The following ARHGEF3 variants were observed in gnomAD, a reference collection of about 807,000 sequenced individuals.
ARHGEF3 encodes the protein Rho guanine nucleotide exchange factor 3, also known as 59.8 kDA protein.
In ARHGEF3, 28 loss-of-function variants were observed where a neutral mutation model predicts 63.2. The ratio of observed to expected loss-of-function variants is 0.44; its 90% CI spans 0.33 to 0.61. The LOEUF (loss-of-function observed/expected upper bound fraction) is 0.61, where lower values mean the gene tolerates loss of function less well. Ranked by LOEUF, ARHGEF3 falls within the 20% of genes least tolerant of loss-of-function variation. The probability of loss-of-function intolerance (pLI) is 0.03; values close to 1 mark genes in which losing one functional copy is unlikely to be tolerated. For missense variants in ARHGEF3, 533 were observed against 659.3 expected, an observed-to-expected ratio of 0.81 and a Z score of 2.10; for synonymous variants, 266 against 254.2, an observed-to-expected ratio of 1.05 and a Z score of -0.44.
intron 1 of ARHGEF3, among the ~76,000 whole-genome samples, chr3:56,789,101 C>G (rs1461136502): frequency 6.6e-6 from 1 of 151,892 alleles, no homozygotes; most frequent in Non-Finnish European, 1.5e-5. Flanking sequence ...TTGGTGGAAG[C>G]CCTTTATATG....
At chr3:56,747,680 C>T (rs959138942) in intron 6 of ARHGEF3, among the ~76,000 whole-genome samples, 3 of 152,114 alleles carry the variant, frequency 2.0e-5, no homozygotes, top group Admixed American at 6.6e-5. Context: ...AAAAATTAGC[C>T]GGGCATAGTG....
At chr3:56,859,034 G>A (rs79993184) in intron 4 of ARHGEF3, among the ~76,000 whole-genome samples, 1,763 of 152,356 alleles carry the variant, frequency 0.012, 42 homozygotes, top group African/African-American at 0.04. Context: ...GGATGGGACT[G>A]TGGGGGCAGG....
At chr3:56,856,199 T>C (rs890463385) in intron 4 of ARHGEF3, among the ~76,000 whole-genome samples, 1 of 151,924 alleles carries the variant, frequency 6.6e-6, no homozygotes, top group African/African-American at 2.4e-5. Context: ...CCACATAAAA[T>C]ACACGTAACT....
chr3:56,802,072 C>T (rs2037687970), upstream of ARHGEF3: 3 of 1,214,126 alleles, frequency 2.5e-6, no homozygotes, highest in African/African-American at 1.6e-5. Context: ...AGCGCGGACA[C>T]CTCCTGGGGC....
chr3:56,873,703 C>T (rs777029086), intron 4 of ARHGEF3, among the ~76,000 whole-genome samples: 1 of 152,142 alleles, frequency 6.6e-6, no homozygotes, highest in Non-Finnish European at 1.5e-5. Flanking sequence ...AGCCACCTCA[C>T]CTGGCATGAA....
chr3:56,807,132 C>T (rs1250982688), intron 4 of ARHGEF3, among the ~76,000 whole-genome samples: 3 of 152,122 alleles, frequency 2.0e-5, no homozygotes, highest in East Asian at 1.9e-4. Context: ...TGATCTGCCC[C>T]GCCTTGGCCT....
At chr3:56,793,406 T>C (rs919093802) in intron 1 of ARHGEF3, among the ~76,000 whole-genome samples, 1 of 152,148 alleles carries the variant, frequency 6.6e-6, no homozygotes, top group Non-Finnish European at 1.5e-5. Context: ...CCTGACCTCA[T>C]GATCCGCTCG....
At chr3:56,797,024 G>T (rs907942765) in intron 1 of ARHGEF3, among the ~76,000 whole-genome samples, 5 of 152,030 alleles carry the variant, frequency 3.3e-5, no homozygotes, top group Non-Finnish European at 5.9e-5. Context: ...TAATAATAAT[G>T]ACATTTTTTG....
intron 2 of ARHGEF3, among the ~76,000 whole-genome samples, chr3:56,761,524 A>C (rs2035419416): frequency 6.6e-6 from 1 of 151,786 alleles, no homozygotes; most frequent in Non-Finnish European, 1.5e-5. Context: ...TAGAAGGTAA[A>C]CTCCTTGAAG....
In ARHGEF3 at chr3:56,729,185, T is replaced by G; in HGVS notation, c.*85A>C. On this transcript the variant is annotated 3_prime_UTR_variant, in exon 10 of 10. Transcript: ENST00000296315. ...ATACTTTCACAAAAGTATGAAAAAG[T>G]GCTTCTCCAAACCGTTCCATCTGTG... 8.3e-7 allele frequency: 1 copy of G among 1,209,772 alleles called. No homozygotes were observed. Among genetic ancestry groups the G allele is most frequent in the Non-Finnish European group, 1.1e-6 (1 of 869,872 alleles). 74.9% of individuals were successfully genotyped at this position (1,209,772 alleles called of 1,614,324 possible). A position where few individuals can be genotyped will look rare whatever the true frequency, so the allele number is the denominator to read the frequency against.
chr3:56,824,373 C>G (rs1327166833), intron 4 of ARHGEF3, among the ~76,000 whole-genome samples: 1 of 152,162 alleles, frequency 6.6e-6, no homozygotes, highest in Non-Finnish European at 1.5e-5. Context: ...TTACTAGCAG[C>G]CAGGCTTTTT....
intron 3 of ARHGEF3, among the ~76,000 whole-genome samples, chr3:56,908,471 G>C (rs565023899): frequency 1.3e-5 from 2 of 152,324 alleles, no homozygotes; most frequent in South Asian, 4.1e-4. Context: ...AAGAGGTGAG[G>C]TGACAAGCAC....
chr3:56,992,375 TAAAAAAA>T (rs57740672), intron 2 of ARHGEF3, among the ~76,000 whole-genome samples: 3,707 of 46,104 alleles, frequency 0.08, 251 homozygotes, highest in African/African-American at 0.14. Context: ...AGGATGGCTT[TAAAAAAA>T]AAAAAAAAAA....
At chr3:56,984,430 C>T (rs117774333) in intron 2 of ARHGEF3, among the ~76,000 whole-genome samples, 1,648 of 151,898 alleles carry the variant, frequency 0.011, 12 homozygotes, top group Non-Finnish European at 0.017. Context: ...GGTGGGTGGG[C>T]GAGTATGTTA....
chr3:56,985,189 A>T (rs1701485718), intron 2 of ARHGEF3, among the ~76,000 whole-genome samples: 2 of 152,206 alleles, frequency 1.3e-5, no homozygotes, highest in Non-Finnish European at 2.9e-5. Flanking sequence ...CTTGGGTTCA[A>T]GTGATTCTCC....
chr3:56,930,977 T>C (rs868021256), intron 3 of ARHGEF3, among the ~76,000 whole-genome samples: 21 of 152,108 alleles, frequency 1.4e-4, no homozygotes, highest in African/African-American at 4.8e-4. Context: ...GATAATGAGA[T>C]GAGTATATTT....
At chr3:57,074,342 T>A in intron 1 of ARHGEF3, 3 of 1,324,354 alleles carry the variant, frequency 2.3e-6, no homozygotes, top group Non-Finnish European at 3.2e-6. Context: ...TGCCCTCCCT[T>A]CCATCCCCCA....
chr3:57,023,381 A>T (rs1703338716), intron 2 of ARHGEF3, among the ~76,000 whole-genome samples: 1 of 152,040 alleles, frequency 6.6e-6, no homozygotes. Context: ...GACCTCCATC[A>T]TCTCTCTCCT....
rs10530565 is a variant in ARHGEF3, at chr3:56,736,049, A to AACAC, written c.1041+1132_1041+1135dup. On this transcript the variant is annotated intron_variant, in intron 8 of 9. Coordinates refer to ENST00000296315, the MANE Select transcript of ARHGEF3 (RefSeq NM_019555.3). ...ATGGCTATCTCAACACAGAAATTTA[A>AACAC]ACACACACACACACACACACACACA... Among the ~76,000 whole-genome samples the AACAC allele has an allele frequency of 8.5e-3, 1,248 of 147,160 alleles. 7 individuals are homozygous for AACAC. Among genetic ancestry groups the AACAC allele is most frequent in the African/African-American group, 0.025 (1,001 of 40,376 alleles).
Sources: allele counts gnomAD v4.1 joint callset (sites outside exome capture counted in the v4.1 genomes callset), GRCh38; gene constraint gnomAD v4.1.1; transcripts MANE v1.5; gene names NCBI Gene and HGNC (gene_info 2026-07-23, HGNC 2026-07-21).